Variants in APBA2 observed in about 807,000 individuals in gnomAD.
APBA2 encodes the protein amyloid beta precursor protein binding family A member 2.
A neutral mutation model predicts 75.0 loss-of-function variants in APBA2; 30 were observed. The observed-to-expected ratio is 0.40, with a 90% CI of 0.30 to 0.54. APBA2 has a LOEUF of 0.54. Ranked by LOEUF, APBA2 falls within the 20% of genes least tolerant of loss-of-function variation. The pLI, the probability that APBA2 is intolerant of heterozygous loss-of-function variation, is 0.49. For missense variants in APBA2, 801 were observed against 1,016.1 expected, an observed-to-expected ratio of 0.79 and a Z score of 2.88; for synonymous variants, 444 against 409.6, an observed-to-expected ratio of 1.08 and a Z score of -1.01.
At position 28,924,499 on chromosome 15, in the gene APBA2, A is replaced by T. The variant is rs117690011; in HGVS notation, c.-95+2750A>T. ...TACATATTCTGAATGTTTCCCATAA[A>T]TTAGACATCATATAATTTGTGACCT... On this transcript the variant is annotated intron_variant, in intron 2 of 14. Transcript: ENST00000683413. 1.2e-3 allele frequency among the ~76,000 whole-genome samples: 177 copies of T among 152,292 alleles called. 1 individual carries two copies. In the East Asian group the frequency reaches 0.031, roughly 26 times the overall value.
chr15:29,079,471 C>T (rs946920524), intron 6 of APBA2, among the ~76,000 whole-genome samples: 1 of 152,234 alleles, frequency 6.6e-6, no homozygotes, highest in African/African-American at 2.4e-5. Flanking sequence ...CTCTTCGACA[C>T]ACTGCTTATT....
intron 2 of APBA2, among the ~76,000 whole-genome samples, chr15:28,993,866 G>C (rs2038368040): frequency 6.6e-6 from 1 of 152,306 alleles, no homozygotes; most frequent in African/African-American, 2.4e-5. Flanking sequence ...AGTGGGAAAA[G>C]CTGGACTGCA....
intron 14 of APBA2, among the ~76,000 whole-genome samples, chr15:29,116,227 T>C (rs992578811): frequency 6.6e-6 from 1 of 151,744 alleles, no homozygotes; most frequent in Admixed American, 6.6e-5. Flanking sequence ...CCCCAAAGGG[T>C]CATTTGCTCA....
intron 6 of APBA2, among the ~76,000 whole-genome samples, chr15:29,086,400 C>T (rs971209241): frequency 4.6e-5 from 7 of 152,214 alleles, no homozygotes; most frequent in Admixed American, 1.3e-4. Context: ...ACTAAATTCC[C>T]GAGTAATTTG....
chr15:29,025,950 C>CA lies in APBA2; in HGVS notation c.-40-27880dup, dbSNP rs60211119. ...TGGGCGACAGAGCAAGACTCCGACT[C>CA]AAAAAAAAAAAAAAAGAAAAGAAAT... On this transcript the variant is annotated intron_variant, in intron 3 of 14. Transcript: ENST00000683413. Among the ~76,000 whole-genome samples the CA allele has an allele frequency of 4.5e-3, 529 of 117,310 alleles. 2 individuals are homozygous for CA. The highest frequency in any genetic ancestry group is 5.8e-3 in the Non-Finnish European group (298 of 51,104). 77.0% of individuals were successfully genotyped at this position (117,310 alleles called of 152,430 possible). A position where few individuals can be genotyped will look rare whatever the true frequency, so the allele number is the denominator to read the frequency against.
At chr15:29,021,161 T>C (rs2039934815) in intron 3 of APBA2, among the ~76,000 whole-genome samples, 2 of 152,110 alleles carry the variant, frequency 1.3e-5, no homozygotes, top group South Asian at 2.1e-4. Context: ...TGTGGGACTT[T>C]CCCAATTCTG....
chr15:29,105,271 AG>A (rs2044335949), intron 10 of APBA2, 107 bp from the exon 11 acceptor site: 2 of 1,128,290 alleles, frequency 1.8e-6, no homozygotes, highest in Admixed American at 2.2e-5. Flanking sequence ...GCTCCCTTGA[AG>A]GCTTATGGGT....
intron 3 of APBA2, among the ~76,000 whole-genome samples, chr15:29,032,146 T>A (rs980238309): frequency 6.6e-6 from 1 of 152,240 alleles, no homozygotes; most frequent in African/African-American, 2.4e-5. Flanking sequence ...GGCTGGTGTG[T>A]GTCAAAGAGG....
At chr15:28,904,157 A>G (rs960506087) in intron 1 of APBA2, among the ~76,000 whole-genome samples, 10 of 152,232 alleles carry the variant, frequency 6.6e-5, no homozygotes, top group African/African-American at 2.2e-4. Context: ...CAGAGATAGC[A>G]GAAAGCGAAA....
chr15:28,969,681 G>A (rs1455845117), intron 2 of APBA2, among the ~76,000 whole-genome samples: 1 of 152,156 alleles, frequency 6.6e-6, no homozygotes, highest in African/African-American at 2.4e-5. Context: ...AGTTGGAGGT[G>A]GCCTCTGGGA....
At chr15:28,945,398 C>T (rs1595529409) in intron 2 of APBA2, among the ~76,000 whole-genome samples, 2 of 152,094 alleles carry the variant, frequency 1.3e-5, no homozygotes, top group South Asian at 4.1e-4. Flanking sequence ...ATGGTTTTGT[C>T]AGCACTCAGG....
chr15:28,923,136 G>T (rs2034066047), intron 2 of APBA2, among the ~76,000 whole-genome samples: 2 of 152,122 alleles, frequency 1.3e-5, no homozygotes. Flanking sequence ...TTGTCAGCCT[G>T]ATACATATGC....
intron 1 of APBA2, among the ~76,000 whole-genome samples, chr15:28,898,945 G>A (rs1009776146): frequency 2.0e-5 from 3 of 152,258 alleles, no homozygotes; most frequent in African/African-American, 7.2e-5. Context: ...GATTTAATTG[G>A]TGTGGATAAG....
At position 28,907,346 on chromosome 15, in the gene APBA2, C is replaced by T. The variant is rs1176271747; in HGVS notation, c.-204-14294C>T. Among the ~76,000 whole-genome samples the T allele has an allele frequency of 3.9e-5, 6 of 152,312 alleles. No homozygotes were observed. In the East Asian group the frequency reaches 1.2e-3, roughly 29 times the overall value. On this transcript the variant is annotated intron_variant, in intron 1 of 14. Transcript: ENST00000683413. ...CTCCATTCTAATTTACTGCTTTATT[C>T]TTGTGCCGATATCTACCGTACAAGT... is the stretch of plus-strand genomic sequence containing the variant.
intron 6 of APBA2, among the ~76,000 whole-genome samples, chr15:29,084,362 T>A (rs1396657309): frequency 6.6e-6 from 1 of 152,212 alleles, no homozygotes; most frequent in Admixed American, 6.5e-5. Context: ...TTTTGAAAGA[T>A]CTATGCTTTT....
At chr15:29,075,189 G>C (rs535893012) in intron 5 of APBA2, among the ~76,000 whole-genome samples, 188 bp downstream of exon 5, 9 of 152,240 alleles carry the variant, frequency 5.9e-5, no homozygotes, top group African/African-American at 1.9e-4. Flanking sequence ...ACACTGGCCT[G>C]GGAGGAGGGA....
intron 4 of APBA2, among the ~76,000 whole-genome samples, chr15:29,068,666 C>T (rs2042483838): frequency 6.6e-6 from 1 of 152,188 alleles, no homozygotes. Context: ...ACAGCTGCCT[C>T]TGCTGCCTGG....
intron 4 of APBA2, among the ~76,000 whole-genome samples, chr15:29,058,484 G>A (rs942420971): frequency 7.2e-5 from 11 of 151,916 alleles, no homozygotes; most frequent in Admixed American, 2.0e-4. Context: ...GCACTCCAAC[G>A]TTGGCAACAA....
intron 9 of APBA2, among the ~76,000 whole-genome samples, chr15:29,099,044 C>A (rs948463166): frequency 7.2e-5 from 11 of 152,154 alleles, no homozygotes; most frequent in African/African-American, 2.2e-4. Flanking sequence ...ATCTTTGTGT[C>A]CTGCACCCCC....
Sources: gnomAD v4.1 joint callset for allele counts (sites outside exome capture counted in the v4.1 genomes callset) on GRCh38, gnomAD v4.1.1 for gene constraint, MANE v1.5 for transcripts, NCBI Gene and HGNC (gene_info 2026-07-23, HGNC 2026-07-21) for gene names.